The following ZMAT4 variants were observed in gnomAD, a reference collection of about 807,000 sequenced individuals.
ZMAT4 encodes zinc finger matrin-type 4, also known as zinc finger matrin-type protein 4.
Under a neutral mutation model 28.7 loss-of-function variants are expected in ZMAT4, and 17 were observed. The observed-to-expected ratio is 0.59, with a 90% CI of 0.41 to 0.89. The LOEUF is 0.89. Among genes scored for constraint, ZMAT4 ranks in the 40% least tolerant of loss-of-function variants. The pLI, the probability that ZMAT4 is intolerant of heterozygous loss-of-function variation, is 0.00. For synonymous variants in ZMAT4, 117 were observed against 109.2 expected (o/e 1.07, Z -0.44); for missense variants, 240 against 283.8 (o/e 0.85, Z 1.11).
intron 3 of ZMAT4, among the ~76,000 whole-genome samples, chr8:40,754,227 A>G (rs1812578226): frequency 6.6e-6 from 1 of 152,132 alleles, no homozygotes; most frequent in Non-Finnish European, 1.5e-5. Context: ...AAGAGAGTAT[A>G]TGCAATGATA....
chr8:40,554,982 C>T (rs1388589720), intron 6 of ZMAT4, among the ~76,000 whole-genome samples: 1 of 152,164 alleles, frequency 6.6e-6, no homozygotes, highest in Non-Finnish European at 1.5e-5. Context: ...CACACCCACA[C>T]ATCCTTCCCA....
intron 1 of ZMAT4, among the ~76,000 whole-genome samples, chr8:40,856,358 A>G (rs1817298883): frequency 6.6e-6 from 1 of 152,192 alleles, no homozygotes; most frequent in Non-Finnish European, 1.5e-5. Context: ...GGGTTGGAAA[A>G]AGAAAGCAAA....
chr8:40,658,903 C>A (rs2118847116), intron 5 of ZMAT4, among the ~76,000 whole-genome samples: 1 of 152,156 alleles, frequency 6.6e-6, no homozygotes, highest in East Asian at 1.9e-4. Context: ...CAGTTTCTGC[C>A]TGGTTTTGAT....
At chr8:40,845,765 C>T (rs1816864536) in intron 1 of ZMAT4, among the ~76,000 whole-genome samples, 1 of 104,390 alleles carries the variant, frequency 9.6e-6, no homozygotes, top group Non-Finnish European at 1.9e-5. Flanking sequence ...TAGTTCAATA[C>T]ACTTAGTAGT....
At chr8:40,586,629 G>A (rs1309050192) in intron 5 of ZMAT4, among the ~76,000 whole-genome samples, 1 of 152,172 alleles carries the variant, frequency 6.6e-6, no homozygotes, top group Non-Finnish European at 1.5e-5. Context: ...TGGTCCTGGA[G>A]ACTTCAGCAG....
chr8:40,691,621 C>A (rs1809668279), intron 4 of ZMAT4, among the ~76,000 whole-genome samples: 1 of 152,254 alleles, frequency 6.6e-6, no homozygotes, highest in South Asian at 2.1e-4. Context: ...ACAGAATCCT[C>A]AAACAATGAG....
At chr8:40,579,656 T>C (rs893939352) in intron 6 of ZMAT4, among the ~76,000 whole-genome samples, 6 of 152,196 alleles carry the variant, frequency 3.9e-5, no homozygotes, top group Admixed American at 6.5e-5. Context: ...CTTTGCAATA[T>C]CTTTGCAAAA....
intron 2 of ZMAT4, among the ~76,000 whole-genome samples, chr8:40,782,323 T>C (rs1177291198): frequency 6.6e-6 from 1 of 151,956 alleles, no homozygotes; most frequent in African/African-American, 2.4e-5. Context: ...GAGGCAGAGG[T>C]TGCAGTGAGC....
intron 1 of ZMAT4, among the ~76,000 whole-genome samples, chr8:40,858,759 T>A (rs1046789699): frequency 6.6e-6 from 1 of 152,184 alleles, no homozygotes; most frequent in Non-Finnish European, 1.5e-5. Context: ...TAGAGATTTC[T>A]TCTCCCTACT....
chr8:40,582,344 A>AT (rs1447346474), intron 5 of ZMAT4, among the ~76,000 whole-genome samples: 1 of 152,192 alleles, frequency 6.6e-6, no homozygotes, highest in Non-Finnish European at 1.5e-5. Context: ...CAAAAAAAAT[A>AT]TTTTTAAAAG....
Position 40,668,564 on chromosome 8 carries a change from G to GA in ZMAT4, c.577+6139dup, listed in dbSNP as rs999427662. 7.8e-4 allele frequency among the ~76,000 whole-genome samples: 119 copies of GA among 151,646 alleles called. 2 individuals carry two copies. Among genetic ancestry groups the GA allele is most frequent in the African/African-American group, 1.9e-3 (79 of 41,362 alleles). ...GCAGAAAAAATTGCCCTATTCTAGG[G>GA]AAAAAAAATGCCACTAAGGACACTT... On this transcript the variant is annotated intron_variant, in intron 5 of 6. Transcript: ENST00000297737.
intron 5 of ZMAT4, among the ~76,000 whole-genome samples, chr8:40,599,167 A>G (rs908425844): frequency 5.3e-5 from 8 of 152,036 alleles, no homozygotes; most frequent in African/African-American, 1.9e-4. Context: ...TCCTCATTAC[A>G]CTTTAGTCAT....
intron 5 of ZMAT4, 120 bp downstream of exon 5, chr8:40,674,584 G>A (rs999312387): frequency 1.3e-6 from 1 of 760,496 alleles, no homozygotes; most frequent in African/African-American, 1.7e-5. Flanking sequence ...TTTCTTTTGG[G>A]TGAGCCTCAC....
chr8:40,627,668 G>A (rs1270179688), intron 5 of ZMAT4, among the ~76,000 whole-genome samples: 2 of 152,164 alleles, frequency 1.3e-5, no homozygotes, highest in African/African-American at 2.4e-5. Context: ...ATACTTTCTA[G>A]ATGGTTTTTC....
chr8:40,556,839 T>G (rs949277696), intron 6 of ZMAT4, among the ~76,000 whole-genome samples: 1 of 152,224 alleles, frequency 6.6e-6, no homozygotes, highest in Non-Finnish European at 1.5e-5. Context: ...TTAGGACTAC[T>G]TAAGTCCTTT....
At chr8:40,781,655 G>A (rs1332830457) in intron 2 of ZMAT4, among the ~76,000 whole-genome samples, 7 of 146,514 alleles carry the variant, frequency 4.8e-5, no homozygotes, top group African/African-American at 1.7e-4. Context: ...CCAGCTACTT[G>A]GGAGGCTGAG....
chr8:40,735,847 G>A (rs928624122), intron 3 of ZMAT4, among the ~76,000 whole-genome samples: 5 of 152,216 alleles, frequency 3.3e-5, no homozygotes, highest in South Asian at 4.2e-4. Context: ...ATGGGCGCTC[G>A]GGAAGCATCT....
intron 3 of ZMAT4, among the ~76,000 whole-genome samples, chr8:40,759,328 G>T (rs1586006432): frequency 6.6e-6 from 1 of 151,378 alleles, no homozygotes; most frequent in South Asian, 2.1e-4. Flanking sequence ...AGAATCTATG[G>T]TTGCTAAATT....
At chr8:40,599,596 C>T (rs1297721333) in intron 5 of ZMAT4, among the ~76,000 whole-genome samples, 1 of 152,184 alleles carries the variant, frequency 6.6e-6, no homozygotes, top group Non-Finnish European at 1.5e-5. Flanking sequence ...TGATGAAATA[C>T]CATCTTAAGG....
Sources: gnomAD v4.1 joint callset for allele counts (sites outside exome capture counted in the v4.1 genomes callset) on GRCh38, gnomAD v4.1.1 for gene constraint, MANE v1.5 for transcripts, NCBI Gene and HGNC (gene_info 2026-07-23, HGNC 2026-07-21) for gene names.